Variants in PRKAR2B observed in about 807,000 individuals in gnomAD.
PRKAR2B encodes the protein protein kinase cAMP-dependent type II regulatory subunit beta, also known as cAMP-dependent protein kinase type II-beta regulatory subunit.
PRKAR2B carries 14 observed loss-of-function variants against 49.9 expected under a neutral mutation model. The observed-to-expected ratio is 0.28, with a 90% CI of 0.19 to 0.44. The LOEUF is 0.44. Ranked by LOEUF, PRKAR2B falls within the 20% of genes least tolerant of loss-of-function variation. The pLI, the probability that PRKAR2B is intolerant of heterozygous loss-of-function variation, is 1.00. For synonymous variants in PRKAR2B, 196 were observed against 197.7 expected (o/e 0.99, Z 0.07); for missense variants, 393 against 537.9 (o/e 0.73, Z 2.67).
chr7:107,135,016 A>G (rs1249487963), intron 4 of PRKAR2B, among the ~76,000 whole-genome samples: 1 of 152,184 alleles, frequency 6.6e-6, no homozygotes, highest in Non-Finnish European at 1.5e-5. Context: ...ACATCAAAGG[A>G]CATTATTTTA....
rs377136943 is a variant in PRKAR2B at position 107,158,927 on chromosome 7, A to G, written c.1124-522A>G. On this transcript the variant is annotated intron_variant, in intron 10 of 10. Coordinates refer to ENST00000265717, the MANE Select transcript of PRKAR2B (RefSeq NM_002736.3). Reference sequence around the variant, plus strand: ...GAGACAGGCAAGCAAAGTGATTTCTAGCATGTACTTATAGAAGTAAACAAA... The same window carrying G: ...GAGACAGGCAAGCAAAGTGATTTCTGGCATGTACTTATAGAAGTAAACAAA... Among the ~76,000 whole-genome samples the G allele has an allele frequency of 9.2e-5, 14 of 152,218 alleles. 1 individual carries two copies. In the East Asian group the frequency reaches 1.2e-3, roughly 13 times the overall value.
chr7:107,098,557 G>A (rs543136756), intron 2 of PRKAR2B, among the ~76,000 whole-genome samples: 1 of 152,150 alleles, frequency 6.6e-6, no homozygotes, highest in Non-Finnish European at 1.5e-5. Context: ...TCTGTTGGTG[G>A]CGAGGAGCTG....
intron 2 of PRKAR2B, among the ~76,000 whole-genome samples, chr7:107,074,711 T>C (rs2116778675): frequency 6.6e-6 from 1 of 152,040 alleles, no homozygotes; most frequent in Non-Finnish European, 1.5e-5. Flanking sequence ...GGCGGGAGAA[T>C]CGCTTGAACC....
At chr7:107,145,569 A>G (rs1234887797) in intron 5 of PRKAR2B, among the ~76,000 whole-genome samples, 1 of 151,648 alleles carries the variant, frequency 6.6e-6, no homozygotes, top group Non-Finnish European at 1.5e-5. Flanking sequence ...TCTTCAGATG[A>G]TTTTCTTTCT....
At chr7:107,057,550 T>C (rs1793939845) in intron 1 of PRKAR2B, among the ~76,000 whole-genome samples, 1 of 152,198 alleles carries the variant, frequency 6.6e-6, no homozygotes, top group South Asian at 2.1e-4. Flanking sequence ...GAAGCTTTTT[T>C]AAGAGTGTGA....
chr7:107,059,622 A>G (rs1376909038), intron 1 of PRKAR2B, among the ~76,000 whole-genome samples: 1 of 152,144 alleles, frequency 6.6e-6, no homozygotes, highest in East Asian at 1.9e-4. Flanking sequence ...ATACCCTTGT[A>G]TAAATATACA....
At chr7:107,127,402 C>G (rs1795516800) in intron 3 of PRKAR2B, among the ~76,000 whole-genome samples, 1 of 152,198 alleles carries the variant, frequency 6.6e-6, no homozygotes, top group Non-Finnish European at 1.5e-5. Flanking sequence ...AAGAGTGGAC[C>G]TTTTGGTCCA....
At chr7:107,130,881 A>G (rs1795594817) in intron 4 of PRKAR2B, among the ~76,000 whole-genome samples, 1 of 152,190 alleles carries the variant, frequency 6.6e-6, no homozygotes, top group Admixed American at 6.5e-5. Context: ...AGAAGTCTGT[A>G]TTTTTTGACT....
chr7:107,099,621 C>T (rs980812193), intron 2 of PRKAR2B, among the ~76,000 whole-genome samples: 1 of 151,346 alleles, frequency 6.6e-6, no homozygotes, highest in African/African-American at 2.4e-5. Context: ...TCCTATTCGG[C>T]CATCTTGCAT....
intron 2 of PRKAR2B, among the ~76,000 whole-genome samples, chr7:107,111,062 G>A (rs980876006): frequency 5.9e-5 from 9 of 152,136 alleles, no homozygotes; most frequent in African/African-American, 1.9e-4. Context: ...AGCATCCCAC[G>A]CTAGGCACCC....
intron 4 of PRKAR2B, 81 bp from the exon 5 acceptor site, chr7:107,140,766 C>A: frequency 1.0e-6 from 1 of 996,640 alleles, no homozygotes. Flanking sequence ...TGGACTTGTT[C>A]ACAGAAATAT....
chr7:107,118,630 C>T (rs1034171366), intron 2 of PRKAR2B, among the ~76,000 whole-genome samples: 3 of 152,114 alleles, frequency 2.0e-5, no homozygotes, highest in East Asian at 1.9e-4. Flanking sequence ...ATAATGAGCT[C>T]GTCCCACTGT....
intron 8 of PRKAR2B, among the ~76,000 whole-genome samples, chr7:107,154,734 G>T (rs756989495): frequency 6.6e-6 from 1 of 152,208 alleles, no homozygotes; most frequent in Non-Finnish European, 1.5e-5. Flanking sequence ...AGAGAAGTCA[G>T]TGTCTGTATT....
intron 1 of PRKAR2B, among the ~76,000 whole-genome samples, chr7:107,051,352 T>G (rs990683986): frequency 6.6e-6 from 1 of 152,222 alleles, no homozygotes; most frequent in Admixed American, 6.5e-5. Context: ...ATCACTTGCT[T>G]AAGAAGAGAC....
intron 7 of PRKAR2B, 53 bp from the exon 8 acceptor site, chr7:107,153,124 A>C: frequency 7.0e-7 from 1 of 1,427,182 alleles, no homozygotes; most frequent in South Asian, 1.3e-5. Flanking sequence ...CGAACTAGAT[A>C]AGCTTACCCA....
At chr7:107,118,814 A>T (rs1723611053) in intron 2 of PRKAR2B, among the ~76,000 whole-genome samples, 1 of 152,222 alleles carries the variant, frequency 6.6e-6, no homozygotes, top group Non-Finnish European at 1.5e-5. Context: ...TTAAGTGTTG[A>T]TAAGGAGCTT....
At chr7:107,133,069 A>G (rs186740710) in intron 4 of PRKAR2B, among the ~76,000 whole-genome samples, 9 of 152,290 alleles carry the variant, frequency 5.9e-5, no homozygotes, top group African/African-American at 2.2e-4. Context: ...AGAGCCCTTT[A>G]CTGAGCTCAG....
At chr7:107,112,750 A>G (rs986165542) in intron 2 of PRKAR2B, among the ~76,000 whole-genome samples, 3 of 152,112 alleles carry the variant, frequency 2.0e-5, no homozygotes, top group Non-Finnish European at 4.4e-5. Flanking sequence ...TTAATTAATG[A>G]AAAAAACCAG....
intron 2 of PRKAR2B, among the ~76,000 whole-genome samples, chr7:107,103,107 T>A (rs976708081): frequency 1.3e-5 from 2 of 152,234 alleles, no homozygotes; most frequent in African/African-American, 4.8e-5. Flanking sequence ...AAATGTTTTC[T>A]TGCTAATAAT....
Sources: allele counts gnomAD v4.1 joint callset (sites outside exome capture counted in the v4.1 genomes callset), GRCh38; gene constraint gnomAD v4.1.1; transcripts MANE v1.5; gene names NCBI Gene and HGNC (gene_info 2026-07-23, HGNC 2026-07-21).